NSD3: variants seen among roughly 807,000 people sequenced by gnomAD.
NSD3 encodes histone-lysine N-methyltransferase NSD3.
In NSD3, 24 loss-of-function variants were observed where a neutral mutation model predicts 160.8. The ratio of observed to expected loss-of-function variants is 0.15; its 90% CI spans 0.11 to 0.21. NSD3 has a LOEUF of 0.21. Ranked by LOEUF, NSD3 falls within the 10% of genes least tolerant of loss-of-function variation. The pLI is 1.00. For synonymous variants in NSD3, 520 were observed against 600.0 expected (o/e 0.87, Z 1.95); for missense variants, 1,157 against 1,735.9 (o/e 0.67, Z 5.93).
rs931457035 is a variant in NSD3 at position 38,376,285 on chromosome 8, A to G, written c.-45+5514T>C. On this transcript the variant is annotated intron_variant, in intron 1 of 23. Transcript: ENST00000317025. The stretch of plus-strand genomic sequence containing the variant: ...TTGCATGTAAAAATATTTTATGCAT[A>G]TATGTTCACAACATGGTGAATAAAA... Among the ~76,000 whole-genome samples the G allele has an allele frequency of 7.2e-5, 11 of 152,212 alleles. No homozygotes were observed. The South Asian group carries it at 2.1e-3, about 29-fold the overall frequency.
At chr8:38,330,473 T>C (rs1810030580) in intron 5 of NSD3, among the ~76,000 whole-genome samples, 1 of 152,144 alleles carries the variant, frequency 6.6e-6, no homozygotes, top group Admixed American at 6.5e-5. Context: ...ATAGTTTCCA[T>C]AGGTCTCTAG....
intron 4 of NSD3, among the ~76,000 whole-genome samples, chr8:38,332,941 A>C (rs1050138676): frequency 1.3e-5 from 2 of 152,206 alleles, no homozygotes; most frequent in South Asian, 2.1e-4. Context: ...GAAAAAGGCA[A>C]CAGTGGACTC....
At chr8:38,366,477 T>C (rs542461081) in intron 1 of NSD3, among the ~76,000 whole-genome samples, 1 of 149,616 alleles carries the variant, frequency 6.7e-6, no homozygotes, top group South Asian at 2.1e-4. Context: ...TGCAATGGTA[T>C]GATCTCAGCT....
chr8:38,342,576 T>A (rs570477239), intron 2 of NSD3, among the ~76,000 whole-genome samples: 1 of 144,782 alleles, frequency 6.9e-6, no homozygotes, highest in East Asian at 2.0e-4. Flanking sequence ...AGCCTAGTAC[T>A]TTTTTTTTTT....
chr8:38,299,468 C>T lies in NSD3; in HGVS notation c.2734G>A (p.Ala912Thr). Residue 912 changes from alanine to threonine, a missense_variant, in exon 15 of 24, where the codon GCT becomes ACT. This residue lies in a region of NSD3 where 437 missense variants were observed against 576.6 expected (regional missense o/e 0.76). Transcript: ENST00000317025. Reference sequence around the variant, plus strand: ...CCTTTCTCACATTTCTTTTTGGAAGCTGACGAAGAAGGAATCATAGGTAAT... The same window carrying T: ...CCTTTCTCACATTTCTTTTTGGAAGTTGACGAAGAAGGAATCATAGGTAAT... The part of the protein sequence containing the change: ...MKLPMIPSSS[A>T]SKKKCEKGGR... The T allele has an allele frequency of 1.2e-6, 2 of 1,611,054 alleles. No individual in the cohort carries two copies. Among genetic ancestry groups the T allele is most frequent in the South Asian group, 1.1e-5 (1 of 90,088 alleles).
At chr8:38,324,655 T>A (rs897464217) in intron 7 of NSD3, among the ~76,000 whole-genome samples, 1 of 152,196 alleles carries the variant, frequency 6.6e-6, no homozygotes, top group Non-Finnish European at 1.5e-5. Flanking sequence ...TGGAATTTCC[T>A]GCATAATATA....
At chr8:38,345,012 C>T (rs1458332089) in intron 2 of NSD3, among the ~76,000 whole-genome samples, 1 of 152,166 alleles carries the variant, frequency 6.6e-6, no homozygotes, top group African/African-American at 2.4e-5. Context: ...AATTTATACA[C>T]ATCTCTAGCT....
chr8:38,313,766 C>T (rs532948484), intron 12 of NSD3, among the ~76,000 whole-genome samples: 189 of 139,334 alleles, frequency 1.4e-3, no homozygotes, highest in African/African-American at 4.7e-3. Flanking sequence ...CCAGCCTGGG[C>T]GACAGAGCGA....
At position 38,348,090 on chromosome 8, in the gene NSD3, T is replaced by C. The variant is rs1386458780; in HGVS notation, c.82A>G (p.Ile28Val). 1 of 1,614,050 alleles carries C rather than the reference T, an allele frequency of 6.2e-7. No homozygotes were observed. Among genetic ancestry groups the C allele is most frequent in the Non-Finnish European group, 8.5e-7 (1 of 1,179,978 alleles). The part of the protein sequence containing the change: ...QPPQLIDSAN[I>V]RQEDAFDNNS... ...TTATCAAAGGCATCCTCCTGACGGATGTTGGCGGAGTCAATGAGTTGAGGT... is the reference window on the plus strand; with the variant it reads ...TTATCAAAGGCATCCTCCTGACGGACGTTGGCGGAGTCAATGAGTTGAGGT... Residue 28 changes from isoleucine to valine, a missense_variant, in exon 2 of 24, where the codon ATC becomes GTC. Physicochemically the swap from Ile to Val is conservative, Grantham distance 29 (BLOSUM62 3). Transcript: ENST00000317025.
chr8:38,275,918 G>A, intron 23 of NSD3, 36 bp from the exon 24 acceptor site: 2 of 1,581,034 alleles, frequency 1.3e-6, no homozygotes, highest in Non-Finnish European at 1.7e-6. Flanking sequence ...AAGGAGAAGT[G>A]CCCAAGTTAG....
At chr8:38,299,619 C>T in intron 14 of NSD3, 29 bp from the exon 15 acceptor site, 1 of 1,492,492 alleles carries the variant, frequency 6.7e-7, no homozygotes, top group South Asian at 1.5e-5. Flanking sequence ...AAGAGATGAG[C>T]TGCAATGAAA....
chr8:38,303,039 A>G (rs1036324021), intron 14 of NSD3, among the ~76,000 whole-genome samples: 1 of 152,246 alleles, frequency 6.6e-6, no homozygotes, highest in African/African-American at 2.4e-5. Context: ...GCCCCAACAT[A>G]AGCCAACATA....
rs1809690707 is a variant in NSD3, at chr8:38,317,408, G to A, written c.1856-1366C>T. On this transcript the variant is annotated intron_variant, in intron 9 of 23. Coordinates refer to ENST00000317025, the MANE Select transcript of NSD3 (RefSeq NM_023034.2). This position sits in a 1 kb window ranked among gnomAD's most constrained non-coding sequence, Gnocchi z 5.3. ...GCCTAAAAGATCACTGGATTAACAA[G>A]GAGTTTTAACAGAGGAACAGGAGTG... 9.5e-7 allele frequency: 1 copy of A among 1,054,720 alleles called. No individual in the cohort carries two copies. The highest frequency in any genetic ancestry group is 1.7e-5 in the African/African-American group (1 of 60,388). 65.3% of individuals were successfully genotyped at this position (1,054,720 alleles called of 1,614,324 possible).
chr8:38,351,990 G>C (rs1183426396), intron 1 of NSD3, among the ~76,000 whole-genome samples: 1 of 150,650 alleles, frequency 6.6e-6, no homozygotes, highest in Non-Finnish European at 1.5e-5. Flanking sequence ...CCTGCACATT[G>C]TGCACATGTA....
Position 38,329,616 on chromosome 8 carries a change from C to T in NSD3, c.1343G>A (p.Arg448Gln), listed in dbSNP as rs778667478. The change falls in exon 6 of 24, where the codon CGG (arginine) becomes CAG (glutamine). Residue 448 changes from arginine to glutamine, a missense_variant. Coordinates refer to ENST00000317025, the MANE Select transcript of NSD3 (RefSeq NM_023034.2). This position sits in a 1 kb window ranked among gnomAD's most constrained non-coding sequence, Gnocchi z 4.8. Reference protein sequence around the residue: ...VASSLSSTEIRRHSQRRHTSA... With the variant: ...VASSLSSTEIQRHSQRRHTSA... ...TGTGTGCCGCCTCTGGCTATGTCTC[C>T]GAATTTCAGTACTTGAGAGTGAGGA... 10 of 1,614,082 alleles carry T rather than the reference C, an allele frequency of 6.2e-6. No homozygotes were observed. Among genetic ancestry groups the T allele is most frequent in the Middle Eastern group, 1.6e-4 (1 of 6,084 alleles).
chr8:38,315,658 C>G, intron 10 of NSD3, 114 bp from the exon 11 acceptor site: 1 of 1,409,380 alleles, frequency 7.1e-7, no homozygotes, highest in South Asian at 1.3e-5. Context: ...GACACAACCA[C>G]CTTTTTCCTT....
intron 12 of NSD3, among the ~76,000 whole-genome samples, chr8:38,308,519 A>G (rs1809458862): frequency 6.6e-6 from 1 of 152,222 alleles, no homozygotes. Context: ...ACTCTCTGTA[A>G]AAATAAAATA....
At chr8:38,307,641 T>C (rs572875383) in intron 12 of NSD3, among the ~76,000 whole-genome samples, 9 of 152,256 alleles carry the variant, frequency 5.9e-5, no homozygotes, top group African/African-American at 1.2e-4. Context: ...TGCATCTGTA[T>C]TGACATAAGA....
chr8:38,298,573 G>C (rs2131003616), intron 15 of NSD3, among the ~76,000 whole-genome samples: 1 of 151,808 alleles, frequency 6.6e-6, no homozygotes, highest in Middle Eastern at 3.4e-3. Context: ...GAGTATATTA[G>C]TTATGAATGA....
Sources: gnomAD v4.1 joint callset for allele counts (sites outside exome capture counted in the v4.1 genomes callset) on GRCh38, gnomAD v4.1.1 for gene constraint, gnomAD v4.1.1 regional missense constraint, Gnocchi (gnomAD v3.1) non-coding constraint, MANE v1.5 for transcripts, NCBI Gene and HGNC (gene_info 2026-07-23, HGNC 2026-07-21) for gene names.